Variants in CACNA2D1 observed in about 807,000 individuals in gnomAD.
CACNA2D1 encodes the protein voltage-dependent calcium channel subunit alpha-2/delta-1.
In CACNA2D1, 53 loss-of-function variants were observed where a neutral mutation model predicts 171.5. The ratio of observed to expected loss-of-function variants is 0.31; its 90% CI spans 0.25 to 0.39. CACNA2D1 has a LOEUF of 0.39. Ranked by LOEUF, CACNA2D1 falls within the 10% of genes least tolerant of loss-of-function variation. The probability of loss-of-function intolerance (pLI) is 1.00; values close to 1 mark genes in which losing one functional copy is unlikely to be tolerated. For missense variants in CACNA2D1, 903 were observed against 1,299.8 expected (o/e 0.69, Z 4.69); for synonymous variants, 442 against 443.1 (o/e 1.00, Z 0.03).
chr7:81,982,424 T>C, intron 24 of CACNA2D1, 143 bp downstream of exon 24: 2 of 647,740 alleles, frequency 3.1e-6, no homozygotes, highest in Non-Finnish European at 2.8e-6. Flanking sequence ...AATAAAGATT[T>C]TGTTTCAGTT....
At chr7:82,248,995 T>C (rs917384897) in intron 3 of CACNA2D1, among the ~76,000 whole-genome samples, 31 of 151,798 alleles carry the variant, frequency 2.0e-4, no homozygotes, top group Admixed American at 7.2e-4. Context: ...CAGGCATCTG[T>C]AGTCCCAGCT....
At chr7:82,170,512 C>G (rs1795901667) in intron 4 of CACNA2D1, 38 bp downstream of exon 4, 2 of 1,390,676 alleles carry the variant, frequency 1.4e-6, no homozygotes. Flanking sequence ...CACAATATGT[C>G]AAGCTATTTA....
chr7:82,339,328 T>G (rs1189047045), intron 2 of CACNA2D1, among the ~76,000 whole-genome samples: 1 of 152,172 alleles, frequency 6.6e-6, no homozygotes, highest in Admixed American at 6.5e-5. Flanking sequence ...TATGTAAATT[T>G]TGACAACCCC....
At chr7:82,287,061 A>G (rs780097750) in intron 3 of CACNA2D1, among the ~76,000 whole-genome samples, 37 of 152,204 alleles carry the variant, frequency 2.4e-4, no homozygotes, top group Non-Finnish European at 4.6e-4. Context: ...TTCATTTATT[A>G]TTAATTATCA....
intron 16 of CACNA2D1, among the ~76,000 whole-genome samples, chr7:82,006,431 T>G (rs951598380): frequency 6.6e-6 from 1 of 152,084 alleles, no homozygotes; most frequent in South Asian, 2.1e-4. Context: ...AGAGGAGGCT[T>G]GTGGCAAACT....
chr7:81,983,246 A>G, intron 23 of CACNA2D1, 68 bp downstream of exon 23: 6 of 1,301,516 alleles, frequency 4.6e-6, no homozygotes, highest in Non-Finnish European at 6.7e-6. Context: ...TCCAATAGGA[A>G]GGAAAATATC....
At position 81,959,258 on chromosome 7, in the gene CACNA2D1, T is replaced by TAGAAGTGTGATCTTAC; in HGVS notation, c.3159+1_3159+16dup. The TAGAAGTGTGATCTTAC allele has an allele frequency of 6.5e-7, 1 of 1,535,104 alleles. No homozygotes were observed. The highest frequency in any genetic ancestry group is 9.0e-7 in the Non-Finnish European group (1 of 1,107,998). On this transcript the variant is annotated intron_variant, in intron 38 of 38. Transcript: ENST00000356860. ...ATTAATTTATAGTATTTTAATCCAG[T>TAGAAGTGTGATCTTAC]AGAAGTGTGATCTTACCAAGACATT...
intron 1 of CACNA2D1, chr7:82,410,444 A>C: frequency 3.5e-6 from 3 of 867,932 alleles, no homozygotes; most frequent in Non-Finnish European, 4.2e-6. Context: ...TTTCATTCTG[A>C]TTGGCTTAGC....
At chr7:82,136,371 T>C (rs1208871694) in intron 5 of CACNA2D1, among the ~76,000 whole-genome samples, 3 of 152,166 alleles carry the variant, frequency 2.0e-5, no homozygotes, top group African/African-American at 7.2e-5. Flanking sequence ...AGTATCACAG[T>C]TGGTACAGAG....
At chr7:82,142,159 T>C (rs1027063267) in intron 4 of CACNA2D1, among the ~76,000 whole-genome samples, 7 of 152,214 alleles carry the variant, frequency 4.6e-5, no homozygotes, top group African/African-American at 1.7e-4. Context: ...CTATTTTTCA[T>C]AATTTAAGCG....
intron 1 of CACNA2D1, among the ~76,000 whole-genome samples, chr7:82,384,519 G>A (rs1824104752): frequency 6.6e-6 from 1 of 151,836 alleles, no homozygotes; most frequent in Admixed American, 6.6e-5. Context: ...AAGCCACCCA[G>A]TCTATGGTTT....
In CACNA2D1 at chr7:82,290,861, G is replaced by A. The variant is rs557579258; in HGVS notation, c.294+44274C>T. On this transcript the variant is annotated intron_variant, in intron 3 of 38. Coordinates refer to ENST00000356860, the MANE Select transcript of CACNA2D1 (RefSeq NM_000722.4). ...TCCACTCACCTCGGCCTCCCAAAGT[G>A]CTGGGATTTCAGACGTGAGCCCCCG... Among the ~76,000 whole-genome samples the A allele has an allele frequency of 3.3e-5, 5 of 151,732 alleles. No individual in the cohort carries two copies. The East Asian group carries it at 1.0e-3, about 31-fold the overall frequency.
At position 81,968,811 on chromosome 7, in the gene CACNA2D1, C is replaced by CA. The variant is rs112540048; in HGVS notation, c.2395+75dup. The CA allele has an allele frequency of 2.5e-3, 2,121 of 840,508 alleles. 20 individuals carry two copies. The highest frequency in any genetic ancestry group is 0.025 in the African/African-American group (1,461 of 59,596). 52.1% of individuals were successfully genotyped at this position (840,508 alleles called of 1,614,324 possible). ...ACCTTTTGATGACCTTCTTGATAAA[C>CA]ATTGCCAGTTTATAATATAAATGCC... On this transcript the variant is annotated intron_variant, in intron 29 of 38. Coordinates refer to ENST00000356860, the MANE Select transcript of CACNA2D1 (RefSeq NM_000722.4).
chr7:82,025,367 T>G (rs1256901891), intron 12 of CACNA2D1, among the ~76,000 whole-genome samples: 1 of 151,680 alleles, frequency 6.6e-6, no homozygotes, highest in Non-Finnish European at 1.5e-5. Flanking sequence ...TAAGTTCGCC[T>G]CCTTTGTTAA....
At chr7:82,062,256 T>C (rs1484496076) in intron 9 of CACNA2D1, among the ~76,000 whole-genome samples, 2 of 152,166 alleles carry the variant, frequency 1.3e-5, no homozygotes, top group Non-Finnish European at 2.9e-5. Flanking sequence ...TTTGTCTCAC[T>C]GTCAAAATTT....
chr7:82,391,782 A>G (rs1825151555), intron 1 of CACNA2D1, among the ~76,000 whole-genome samples: 1 of 152,226 alleles, frequency 6.6e-6, no homozygotes, highest in Admixed American at 6.5e-5. Context: ...AAGGAAGCTA[A>G]TGCAAAATTA....
chr7:82,198,490 G>A (rs76443911), intron 3 of CACNA2D1, among the ~76,000 whole-genome samples: 2,418 of 152,014 alleles, frequency 0.016, 69 homozygotes, highest in African/African-American at 0.05. Flanking sequence ...TATTAACATC[G>A]TGATACCATG....
chr7:82,331,582 C>T (rs1203671435), intron 3 of CACNA2D1, among the ~76,000 whole-genome samples: 1 of 152,178 alleles, frequency 6.6e-6, no homozygotes, highest in African/African-American at 2.4e-5. Context: ...AACTATTCTA[C>T]ACTTAATTAG....
intron 12 of CACNA2D1, among the ~76,000 whole-genome samples, chr7:82,022,244 C>T (rs528676932): frequency 1.3e-5 from 2 of 151,690 alleles, no homozygotes; most frequent in South Asian, 2.1e-4. Context: ...CACACACACA[C>T]ACACACACGT....
Sources: gnomAD v4.1 joint callset for allele counts (sites outside exome capture counted in the v4.1 genomes callset) on GRCh38, gnomAD v4.1.1 for gene constraint, MANE v1.5 for transcripts, NCBI Gene and HGNC (gene_info 2026-07-23, HGNC 2026-07-21) for gene names.